The following PCDHGA3 variants were observed in gnomAD, a reference collection of about 807,000 sequenced individuals.
PCDHGA3 encodes protocadherin gamma-A3.
PCDHGA3 carries 40 observed loss-of-function variants against 58.5 expected under a neutral mutation model. The observed-to-expected ratio is 0.68, with a 90% CI of 0.53 to 0.89. PCDHGA3 has a LOEUF of 0.89. Among genes scored for constraint, PCDHGA3 ranks in the 40% least tolerant of loss-of-function variants. The probability of loss-of-function intolerance (pLI) is 0.00; values close to 1 mark genes in which losing one functional copy is unlikely to be tolerated. For missense variants in PCDHGA3, 1,223 were observed against 1,195.9 expected (o/e 1.02, Z -0.33); for synonymous variants, 530 against 525.7 (o/e 1.01, Z -0.11).
At chr5:141,375,054 G>A (rs749207935) in intron 1 of PCDHGA3, 3 of 1,614,004 alleles carry the variant, frequency 1.9e-6, no homozygotes, top group Non-Finnish European at 2.5e-6. Flanking sequence ...GCCCGGGATG[G>A]GCCAGGTCTT....
intron 1 of PCDHGA3, among the ~76,000 whole-genome samples, chr5:141,433,809 C>A (rs913637407): frequency 5.3e-5 from 8 of 149,948 alleles, no homozygotes; most frequent in Non-Finnish European, 1.2e-4. Flanking sequence ...TGCACTCCAG[C>A]CTGGGCAACA....
intron 1 of PCDHGA3, among the ~76,000 whole-genome samples, chr5:141,449,003 T>A (rs2098622649): frequency 1.3e-5 from 2 of 152,280 alleles, no homozygotes; most frequent in African/African-American, 4.8e-5. Context: ...AAAGCTGTTT[T>A]TTTTAACAGT....
chr5:141,355,770 G>C, intron 1 of PCDHGA3: 1 of 1,613,888 alleles, frequency 6.2e-7, no homozygotes. Flanking sequence ...ATGGGATTAA[G>C]TACCCAGAGC....
chr5:141,350,799 A>C (rs751350769), intron 1 of PCDHGA3: 5 of 1,614,018 alleles, frequency 3.1e-6, no homozygotes, highest in Non-Finnish European at 4.2e-6. Context: ...CTGTCAACGA[A>C]GGAAAGTCCT....
At chr5:141,388,715 T>A (rs2091466126) in intron 1 of PCDHGA3, 1 of 1,613,878 alleles carries the variant, frequency 6.2e-7, no homozygotes, top group Non-Finnish European at 8.5e-7. Flanking sequence ...ATGCCGAGAT[T>A]ACTTTCTCTT....
At chr5:141,509,968 C>A (rs1450809995) in intron 3 of PCDHGA3, among the ~76,000 whole-genome samples, 1 of 152,166 alleles carries the variant, frequency 6.6e-6, no homozygotes, top group Non-Finnish European at 1.5e-5. Context: ...TGGCCTTGGT[C>A]CTTCTAACAC....
chr5:141,365,083 T>G (rs1763725289), intron 1 of PCDHGA3: 1 of 1,613,804 alleles, frequency 6.2e-7, no homozygotes, highest in Non-Finnish European at 8.5e-7. Context: ...GCGTGAGTGT[T>G]CCAGAGAACA....
intron 1 of PCDHGA3, chr5:141,392,819 C>T (rs1346235587): frequency 1.4e-5 from 22 of 1,590,378 alleles, no homozygotes; most frequent in Non-Finnish European, 8.6e-6. Flanking sequence ...CAACAATGGC[C>T]GCTCCACAGA....
rs1199102847 is a variant in PCDHGA3, at chr5:141,477,997, A to G, written c.2425-16810A>G. 2 of 1,614,112 alleles carry G rather than the reference A, an allele frequency of 1.2e-6. No individual in the cohort carries two copies. Among genetic ancestry groups the G allele is most frequent in the Non-Finnish European group, 1.7e-6 (2 of 1,180,016 alleles). On this transcript the variant is annotated intron_variant, in intron 1 of 3. Coordinates refer to ENST00000253812, the MANE Select transcript of PCDHGA3 (RefSeq NM_018916.4). This position sits in a 1 kb window ranked among gnomAD's most constrained non-coding sequence, Gnocchi z 4.9. ...TTGCCATAGGGCTGCACACTGGTCAAATCAGTACTGCCCGTCCAGTCCAAG... is the reference window on the plus strand; with the variant it reads ...TTGCCATAGGGCTGCACACTGGTCAGATCAGTACTGCCCGTCCAGTCCAAG...
intron 1 of PCDHGA3, chr5:141,360,051 G>A (rs1443200374): frequency 2.1e-6 from 3 of 1,435,510 alleles, no homozygotes; most frequent in Admixed American, 5.6e-5. Context: ...GAAAACAAAA[G>A]CAGGAAAAGT....
chr5:141,394,966 G>T (rs758463890), intron 1 of PCDHGA3: 3 of 1,613,886 alleles, frequency 1.9e-6, no homozygotes, highest in Middle Eastern at 1.6e-4. Flanking sequence ...AGGCTGAGGC[G>T]CTGGCACAAG....
chr5:141,355,941 C>G (rs780585950), intron 1 of PCDHGA3: 94 of 1,613,750 alleles, frequency 5.8e-5, no homozygotes, highest in Non-Finnish European at 1.7e-6. Context: ...AGCCCGAGTA[C>G]CACGTAAGTG....
At chr5:141,413,058 C>G (rs2095601249) in intron 1 of PCDHGA3, 1 of 1,073,304 alleles carries the variant, frequency 9.3e-7, no homozygotes, top group Non-Finnish European at 1.3e-6. Context: ...AAGCTCACTC[C>G]AGAATTTAAA....
At chr5:141,433,347 C>T (rs1207853986) in intron 1 of PCDHGA3, 3 of 626,596 alleles carry the variant, frequency 4.8e-6, no homozygotes, top group Non-Finnish European at 8.3e-6. Context: ...GTGCAAGCCA[C>T]CTACTGTCTG....
At chr5:141,388,064 G>A in intron 1 of PCDHGA3, 1 of 1,376,092 alleles carries the variant, frequency 7.3e-7, no homozygotes, top group South Asian at 1.3e-5. Context: ...GCGTCCAGGA[G>A]TTACCGACTC....
chr5:141,420,080 C>G, intron 1 of PCDHGA3: 2 of 1,614,010 alleles, frequency 1.2e-6, no homozygotes, highest in African/African-American at 1.3e-5. Flanking sequence ...TGTGGGTCCC[C>G]CCAACTACAG....
At chr5:141,384,052 A>G in intron 1 of PCDHGA3, 1 of 1,611,012 alleles carries the variant, frequency 6.2e-7, no homozygotes, top group Non-Finnish European at 8.5e-7. Context: ...GGTGACCTGC[A>G]CCATTCCAGA....
In PCDHGA3 at chr5:141,423,241, G is replaced by T. The variant is rs1485226833; in HGVS notation, c.2425-71566G>T. The T allele has an allele frequency of 6.8e-6, 11 of 1,613,836 alleles. No individual in the cohort carries two copies. The Admixed American group carries it at 1.5e-4, about 22-fold the overall frequency. On this transcript the variant is annotated intron_variant, in intron 1 of 3. Transcript: ENST00000253812. ...GGCTGTGGCCGACAGCATCCCCGAAGTCCTGGCGGACCTCGGCAGCCTCGA... is the reference window on the plus strand; with the variant it reads ...GGCTGTGGCCGACAGCATCCCCGAATTCCTGGCGGACCTCGGCAGCCTCGA...
At chr5:141,449,467 C>G (rs1356192128) in intron 1 of PCDHGA3, among the ~76,000 whole-genome samples, 1 of 150,842 alleles carries the variant, frequency 6.6e-6, no homozygotes, top group South Asian at 2.1e-4. Flanking sequence ...ATTAGCCAGG[C>G]CTGGTACCCC....
Sources: allele counts gnomAD v4.1 joint callset (sites outside exome capture counted in the v4.1 genomes callset), GRCh38; gene constraint gnomAD v4.1.1; non-coding constraint Gnocchi (gnomAD v3.1); transcripts MANE v1.5; gene names NCBI Gene and HGNC (gene_info 2026-07-23, HGNC 2026-07-21).